Variants in MDGA2 observed in about 807,000 individuals in gnomAD.
MDGA2 encodes MAM domain containing glycosylphosphatidylinositol anchor 2.
MDGA2 carries 40 observed loss-of-function variants against 117.8 expected under a neutral mutation model. The observed-to-expected ratio is 0.34, with a 90% confidence interval of 0.26 to 0.44. The LOEUF (loss-of-function observed/expected upper bound fraction) is 0.44, where lower values mean the gene tolerates loss of function less well. Among genes scored for constraint, MDGA2 ranks in the 20% least tolerant of loss-of-function variants. The pLI, the probability that MDGA2 is intolerant of heterozygous loss-of-function variation, is 1.00. For missense variants in MDGA2, 1,123 were observed against 1,250.6 expected, an observed-to-expected ratio of 0.90 and a Z score of 1.54; for synonymous variants, 452 against 439.0, an observed-to-expected ratio of 1.03 and a Z score of -0.37.
intron 10 of MDGA2, among the ~76,000 whole-genome samples, chr14:46,890,105 A>T (rs1237627868): frequency 3.3e-5 from 5 of 151,992 alleles, no homozygotes; most frequent in African/African-American, 9.7e-5. Context: ...TTCAGAACTC[A>T]ACGCTTTTTC....
chr14:47,274,031 TA>T (rs1281140146), intron 2 of MDGA2, among the ~76,000 whole-genome samples: 7 of 152,172 alleles, frequency 4.6e-5, no homozygotes, highest in African/African-American at 1.4e-4. Flanking sequence ...GTAGGGCTTT[TA>T]TTTTTTTAAC....
intron 1 of MDGA2, among the ~76,000 whole-genome samples, chr14:47,421,697 C>A (rs928439031): frequency 2.0e-5 from 3 of 151,968 alleles, no homozygotes; most frequent in African/African-American, 7.2e-5. Flanking sequence ...TGTGAGGAAA[C>A]AAAATCAAAT....
chr14:47,176,440 T>C (rs921249361), intron 3 of MDGA2, among the ~76,000 whole-genome samples: 1 of 152,166 alleles, frequency 6.6e-6, no homozygotes, highest in Non-Finnish European at 1.5e-5. Context: ...ATGGTACTGG[T>C]ACCAAAACAG....
chr14:46,858,906 A>G (rs928800284), intron 14 of MDGA2, among the ~76,000 whole-genome samples: 4 of 152,242 alleles, frequency 2.6e-5, no homozygotes, highest in Non-Finnish European at 5.9e-5. Context: ...GAGACTCTTC[A>G]GCTGTAATCT....
At chr14:47,593,966 A>G (rs1049277599) in intron 1 of MDGA2, among the ~76,000 whole-genome samples, 1 of 152,156 alleles carries the variant, frequency 6.6e-6, no homozygotes, top group Non-Finnish European at 1.5e-5. Context: ...TTGCAGAGAG[A>G]TTTGTGTCAG....
intron 1 of MDGA2, among the ~76,000 whole-genome samples, chr14:47,456,133 G>A (rs1893346771): frequency 6.6e-6 from 1 of 152,128 alleles, no homozygotes; most frequent in South Asian, 2.1e-4. Context: ...GTGAAAGAAG[G>A]AAAGGAGGGA....
chr14:46,839,633 C>T (rs1431013549), downstream of MDGA2, among the ~76,000 whole-genome samples: 1 of 151,712 alleles, frequency 6.6e-6, no homozygotes, highest in Non-Finnish European at 1.5e-5. Flanking sequence ...TTTTGTAAAA[C>T]GTAAAAGAAA....
At chr14:47,085,985 C>T (rs987604319) in intron 6 of MDGA2, among the ~76,000 whole-genome samples, 1 of 151,806 alleles carries the variant, frequency 6.6e-6, no homozygotes. Context: ...AAATTAATTA[C>T]CTTATTTTGA....
In MDGA2 at chr14:47,673,066, T is replaced by C. The variant is rs541636612; in HGVS notation, c.280+1451A>G. Reference sequence around the variant, plus strand: ...CCTTAGAGTCGGGAGAAAGTGAAGGTTTCTTGGGAGCCAAGAAGGGAGCTA... The same window carrying C: ...CCTTAGAGTCGGGAGAAAGTGAAGGCTTCTTGGGAGCCAAGAAGGGAGCTA... On this transcript the variant is annotated intron_variant, in intron 1 of 16. Coordinates refer to ENST00000399232, the MANE Select transcript of MDGA2 (RefSeq NM_001113498.3). Among the ~76,000 whole-genome samples, 11 of 152,024 alleles carry C rather than the reference T, an allele frequency of 7.2e-5. 2 individuals carry two copies. The highest frequency in any genetic ancestry group is 2.4e-4 in the African/African-American group (10 of 41,474).
intron 8 of MDGA2, among the ~76,000 whole-genome samples, chr14:47,017,319 A>T (rs544625414): frequency 1.3e-5 from 2 of 151,864 alleles, no homozygotes; most frequent in Admixed American, 1.3e-4. Flanking sequence ...AAAAAGAAGA[A>T]GAAAATTTAA....
At chr14:47,619,185 G>C (rs1457361246) in intron 1 of MDGA2, among the ~76,000 whole-genome samples, 2 of 150,498 alleles carry the variant, frequency 1.3e-5, no homozygotes, top group Admixed American at 1.3e-4. Context: ...AATATGATTG[G>C]AAACAATGTC....
At chr14:47,339,040 T>C (rs1890542590) in intron 1 of MDGA2, among the ~76,000 whole-genome samples, 1 of 152,140 alleles carries the variant, frequency 6.6e-6, no homozygotes, top group Admixed American at 6.6e-5. Context: ...AAAAAATGTG[T>C]CTATTTTATA....
In MDGA2 at chr14:46,866,682, A is replaced by G. The variant is rs867577213; in HGVS notation, c.2752+6751T>C. ...ATATCCAGAATCTACAATGAACTCA[A>G]ACAAATTTACAAGAAAAAAAAAAAC... On this transcript the variant is annotated intron_variant, in intron 14 of 16. Transcript: ENST00000399232. Among the ~76,000 whole-genome samples, 534 of 151,998 alleles carry G rather than the reference A, an allele frequency of 3.5e-3. 5 individuals carry two copies. Among genetic ancestry groups the G allele is most frequent in the African/African-American group, 0.012 (510 of 41,522 alleles).
intron 1 of MDGA2, among the ~76,000 whole-genome samples, chr14:47,406,535 T>C (rs1227173780): frequency 6.6e-6 from 1 of 152,032 alleles, no homozygotes; most frequent in African/African-American, 2.4e-5. Flanking sequence ...AAACATGACA[T>C]ATCCTAGTAT....
chr14:47,450,176 G>A (rs893324876), intron 1 of MDGA2, among the ~76,000 whole-genome samples: 4 of 151,812 alleles, frequency 2.6e-5, no homozygotes, highest in African/African-American at 4.8e-5. Context: ...ATGGTAAATG[G>A]ATTTGAGGTT....
At chr14:47,284,717 G>C (rs918115072) in intron 2 of MDGA2, among the ~76,000 whole-genome samples, 1 of 151,984 alleles carries the variant, frequency 6.6e-6, no homozygotes, top group Non-Finnish European at 1.5e-5. Flanking sequence ...CCATATTTAT[G>C]AACTTGTAAA....
At chr14:47,348,664 CCTT>C (rs1453961053) in intron 1 of MDGA2, among the ~76,000 whole-genome samples, 1 of 152,072 alleles carries the variant, frequency 6.6e-6, no homozygotes, top group East Asian at 1.9e-4. Context: ...CAGAATACCT[CCTT>C]AACTGTAGCA....
intron 1 of MDGA2, among the ~76,000 whole-genome samples, chr14:47,600,210 A>G (rs111241146): frequency 0.035 from 5,327 of 152,116 alleles, 111 homozygotes; most frequent in Non-Finnish European, 0.055. Flanking sequence ...AGCCTCGCCA[A>G]CATGGTGAAA....
intron 1 of MDGA2, among the ~76,000 whole-genome samples, chr14:47,476,429 T>G (rs926841919): frequency 1.3e-5 from 2 of 152,074 alleles, no homozygotes; most frequent in Non-Finnish European, 2.9e-5. Context: ...TGCTTACTGA[T>G]AAGAAATTTG....
Sources: allele counts gnomAD v4.1 joint callset (sites outside exome capture counted in the v4.1 genomes callset), GRCh38; gene constraint gnomAD v4.1.1; transcripts MANE v1.5; gene names NCBI Gene and HGNC (gene_info 2026-07-23, HGNC 2026-07-21).